Variants in MBNL1 observed in about 807,000 individuals in gnomAD.
The protein encoded by MBNL1 is muscleblind like splicing regulator 1.
In MBNL1, 8 loss-of-function variants were observed where a neutral mutation model predicts 42.2. That is an observed-to-expected ratio of 0.19 (90% CI 0.11 to 0.34). The LOEUF is 0.34. Ranked by LOEUF, MBNL1 falls within the 10% of genes least tolerant of loss-of-function variation. MBNL1 has a pLI of 1.00. For synonymous variants in MBNL1, 169 were observed against 173.9 expected, an observed-to-expected ratio of 0.97 and a Z score of 0.22; for missense variants, 309 against 495.3, an observed-to-expected ratio of 0.62 and a Z score of 3.57.
At chr3:152,413,539 T>C (rs1226599523) in intron 2 of MBNL1, among the ~76,000 whole-genome samples, 1 of 152,194 alleles carries the variant, frequency 6.6e-6, no homozygotes, top group Non-Finnish European at 1.5e-5. Context: ...ACAAGCAGTA[T>C]CCTATGATTC....
At chr3:152,356,799 T>C (rs1468212139) in intron 2 of MBNL1, among the ~76,000 whole-genome samples, 1 of 152,008 alleles carries the variant, frequency 6.6e-6, no homozygotes, top group Non-Finnish European at 1.5e-5. Context: ...TTTAAAATGA[T>C]AAAAAATACA....
intron 5 of MBNL1, among the ~76,000 whole-genome samples, chr3:152,447,340 A>G (rs1419585792): frequency 3.3e-5 from 5 of 152,114 alleles, no homozygotes; most frequent in African/African-American, 1.2e-4. Flanking sequence ...AGCCTGAAGC[A>G]TTATGGGACA....
At chr3:152,325,425 A>G (rs1199579458) in intron 2 of MBNL1, among the ~76,000 whole-genome samples, 1 of 152,120 alleles carries the variant, frequency 6.6e-6, no homozygotes, top group Non-Finnish European at 1.5e-5. Flanking sequence ...TGTACATTGA[A>G]TGTTTGCTGG....
intron 2 of MBNL1, among the ~76,000 whole-genome samples, chr3:152,313,931 T>G (rs913551854): frequency 6.6e-6 from 1 of 152,364 alleles, no homozygotes; most frequent in East Asian, 1.9e-4. Flanking sequence ...CAGTTAAGTA[T>G]GAATGGAAAA....
At chr3:152,400,096 T>C (rs1036843833) in intron 2 of MBNL1, among the ~76,000 whole-genome samples, 1 of 152,174 alleles carries the variant, frequency 6.6e-6, no homozygotes, top group African/African-American at 2.4e-5. Context: ...ACTATGAGGC[T>C]AATAAGAATA....
intron 2 of MBNL1, among the ~76,000 whole-genome samples, chr3:152,321,999 G>C (rs2076729872): frequency 6.6e-6 from 1 of 151,898 alleles, no homozygotes; most frequent in Admixed American, 6.6e-5. Context: ...TCTTGTTTTA[G>C]ATACTGTTTT....
At chr3:152,412,860 A>G (rs912213291) in intron 2 of MBNL1, among the ~76,000 whole-genome samples, 1 of 152,158 alleles carries the variant, frequency 6.6e-6, no homozygotes, top group Non-Finnish European at 1.5e-5. Flanking sequence ...GAGTGAATTG[A>G]TGGGAAGTGA....
chr3:152,335,975 A>C (rs952852119), intron 2 of MBNL1, among the ~76,000 whole-genome samples: 10 of 152,092 alleles, frequency 6.6e-5, no homozygotes, highest in African/African-American at 2.4e-4. Flanking sequence ...GCCTTTCCAC[A>C]TGTGGCACTA....
chr3:152,324,278 T>C (rs1175251105), intron 2 of MBNL1, among the ~76,000 whole-genome samples: 2 of 152,228 alleles, frequency 1.3e-5, no homozygotes, highest in Admixed American at 1.3e-4. Flanking sequence ...AGGAGTTTAT[T>C]AATTTCAAAT....
intron 2 of MBNL1, among the ~76,000 whole-genome samples, chr3:152,373,691 T>G (rs2096777753): frequency 6.6e-6 from 1 of 152,150 alleles, no homozygotes; most frequent in African/African-American, 2.4e-5. Context: ...TAGTTGGAAA[T>G]GCAGAAATCA....
chr3:152,314,376 C>CTT (rs766855642), intron 2 of MBNL1, among the ~76,000 whole-genome samples: 30 of 138,750 alleles, frequency 2.2e-4, no homozygotes, highest in African/African-American at 5.8e-4. Flanking sequence ...TGCTCCAAGA[C>CTT]TTTTTTTTTT....
At chr3:152,317,858 T>C (rs573809641) in intron 2 of MBNL1, among the ~76,000 whole-genome samples, 1 of 152,366 alleles carries the variant, frequency 6.6e-6, no homozygotes, top group African/African-American at 2.4e-5. Flanking sequence ...GTTCATTTGG[T>C]CATTTACCTT....
At chr3:152,311,561 C>G (rs1022732685) in intron 2 of MBNL1, among the ~76,000 whole-genome samples, 1 of 151,656 alleles carries the variant, frequency 6.6e-6, no homozygotes, top group Non-Finnish European at 1.5e-5. Flanking sequence ...TTTTCTAGGA[C>G]TAAAATTTCA....
intron 2 of MBNL1, among the ~76,000 whole-genome samples, chr3:152,373,429 C>A (rs1017309897): frequency 4.6e-5 from 7 of 151,716 alleles, no homozygotes; most frequent in African/African-American, 1.7e-4. Flanking sequence ...AAACCCAGGG[C>A]CCTGGTAGTG....
intron 3 of MBNL1, among the ~76,000 whole-genome samples, chr3:152,423,475 C>A (rs1220600000): frequency 6.6e-6 from 1 of 152,100 alleles, no homozygotes. Flanking sequence ...CAGGACCAGA[C>A]GGATTCACAG....
At position 152,464,928 on chromosome 3, in the gene MBNL1, G is replaced by A. The variant is rs1347423788; in HGVS notation, c.*2562G>A. ...TAAGGCTAATACAATGACAGACTGA[G>A]CAAAATTGCTTGCAAAAGTGGCACA... On this transcript the variant is annotated 3_prime_UTR_variant, in exon 10 of 10. Coordinates refer to ENST00000324210, the MANE Select transcript of MBNL1 (RefSeq NM_021038.5). 6.6e-6 allele frequency: 1 copy of A among 152,610 alleles called. No individual in the cohort carries two copies. Among genetic ancestry groups the A allele is most frequent in the African/African-American group, 2.4e-5 (1 of 41,434 alleles). The allele number at this position is 152,610 out of a possible 1,614,324, so 9.5% of individuals were successfully genotyped here.
At chr3:152,460,758 A>AAGAG (rs900300187) in intron 9 of MBNL1, among the ~76,000 whole-genome samples, 1 of 152,202 alleles carries the variant, frequency 6.6e-6, no homozygotes, top group African/African-American at 2.4e-5. Context: ...TATATTTAGA[A>AAGAG]AGAGACATTA....
At chr3:152,315,607 T>C (rs112338822) in intron 2 of MBNL1, among the ~76,000 whole-genome samples, 152 of 152,330 alleles carry the variant, frequency 1.0e-3, no homozygotes, top group African/African-American at 3.5e-3. Flanking sequence ...TTTTGCAGTT[T>C]GAATTTTCTA....
intron 2 of MBNL1, among the ~76,000 whole-genome samples, chr3:152,349,550 G>A (rs1266758067): frequency 1.3e-5 from 2 of 151,966 alleles, no homozygotes; most frequent in East Asian, 1.9e-4. Context: ...TTTTACTCTT[G>A]CAACTAGAGG....
Sources: allele counts gnomAD v4.1 joint callset (sites outside exome capture counted in the v4.1 genomes callset), GRCh38; gene constraint gnomAD v4.1.1; transcripts MANE v1.5; gene names NCBI Gene and HGNC (gene_info 2026-07-23, HGNC 2026-07-21).